Variants in CEP57L1 observed in about 807,000 individuals in gnomAD.
CEP57L1 encodes the protein centrosomal protein CEP57L1.
In CEP57L1, 37 loss-of-function variants were observed where a neutral mutation model predicts 61.0. The ratio of observed to expected loss-of-function variants is 0.61; its 90% confidence interval spans 0.47 to 0.80. The LOEUF (loss-of-function observed/expected upper bound fraction) is 0.80, where lower values mean the gene tolerates loss of function less well. Among genes scored for constraint, CEP57L1 ranks in the 30% least tolerant of loss-of-function variants. The pLI, the probability that CEP57L1 is intolerant of heterozygous loss-of-function variation, is 0.00. For missense variants in CEP57L1, 422 were observed against 524.7 expected (o/e 0.80, Z 1.91); for synonymous variants, 137 against 162.3 (o/e 0.84, Z 1.19).
intron 1 of CEP57L1, among the ~76,000 whole-genome samples, chr6:109,141,430 G>A (rs1394388132): frequency 6.6e-6 from 1 of 151,758 alleles, no homozygotes; most frequent in African/African-American, 2.4e-5. Context: ...GGCCAGGTTG[G>A]TCTCGAACTC....
rs536832759 is a variant in CEP57L1 at position 109,101,525 on chromosome 6, A to T, written c.-4+5950A>T. On this transcript the variant is annotated intron_variant, in intron 1 of 10. Coordinates refer to ENST00000517392, the MANE Select transcript of CEP57L1 (RefSeq NM_001271852.3). ...TTATGTGCAGGCTTTTTCTGGGCAA[A>T]AAATTTTTAACTCATCTAGGAATAT... 8.3e-3 allele frequency among the ~76,000 whole-genome samples: 1,266 copies of T among 152,314 alleles called. 24 individuals carry two copies. Among genetic ancestry groups the T allele is most frequent in the African/African-American group, 0.029 (1,215 of 41,570 alleles).
At chr6:109,105,163 TG>T (rs1332260257) in intron 1 of CEP57L1, among the ~76,000 whole-genome samples, 61 of 152,238 alleles carry the variant, frequency 4.0e-4, no homozygotes, top group African/African-American at 1.3e-3. Flanking sequence ...TCATCAATGA[TG>T]TTTTTTGTTA....
chr6:109,160,584 A>T lies in CEP57L1; in HGVS notation c.1029A>T (p.Glu343Asp), dbSNP rs770187563. The T allele has an allele frequency of 1.9e-6, 3 of 1,606,290 alleles. No individual in the cohort carries two copies. Among genetic ancestry groups the T allele is most frequent in the Non-Finnish European group, 2.5e-6 (3 of 1,176,808 alleles). Residue 343 changes from glutamate to aspartate, a missense_variant, in exon 10 of 11, where the codon GAA becomes GAT. Transcript: ENST00000517392. ...TATTCTTTCATAGGGAGCACCAAGAACTACTGAAACAAATGAAGGAAACTG... is the reference window on the plus strand; with the variant it reads ...TATTCTTTCATAGGGAGCACCAAGATCTACTGAAACAAATGAAGGAAACTG... ...ELDQMSMEHQ[E>D]LLKQMKETES...
At chr6:109,108,246 T>C (rs1771165304) in intron 1 of CEP57L1, among the ~76,000 whole-genome samples, 2 of 151,588 alleles carry the variant, frequency 1.3e-5, no homozygotes, top group Non-Finnish European at 1.5e-5. Context: ...TTTCTCTTTT[T>C]TTTTTTTTTT....
chr6:109,104,294 C>G (rs1260622574), intron 1 of CEP57L1, among the ~76,000 whole-genome samples: 1 of 151,294 alleles, frequency 6.6e-6, no homozygotes, highest in Non-Finnish European at 1.5e-5. Flanking sequence ...TATCCAGTCC[C>G]TATTAATGTA....
intron 4 of CEP57L1, among the ~76,000 whole-genome samples, chr6:109,153,298 G>A (rs1177819933): frequency 7.2e-6 from 1 of 139,716 alleles, no homozygotes; most frequent in African/African-American, 2.6e-5. Flanking sequence ...CTGGAGTGCG[G>A]TAGCACAGTC....
chr6:109,119,075 A>G (rs1472145064), intron 1 of CEP57L1, among the ~76,000 whole-genome samples: 2 of 152,196 alleles, frequency 1.3e-5, no homozygotes, highest in African/African-American at 4.8e-5. Flanking sequence ...TGTGTCTTAC[A>G]TAATGGGCAA....
intron 1 of CEP57L1, among the ~76,000 whole-genome samples, chr6:109,103,458 AATG>A (rs1467197483): frequency 6.6e-6 from 1 of 152,194 alleles, no homozygotes; most frequent in Non-Finnish European, 1.5e-5. Context: ...GATTGATTTG[AATG>A]ATATTCTTTT....
At chr6:109,120,302 T>A (rs1772800644) in intron 1 of CEP57L1, among the ~76,000 whole-genome samples, 1 of 152,180 alleles carries the variant, frequency 6.6e-6, no homozygotes, top group African/African-American at 2.4e-5. Flanking sequence ...CAAAAATTCA[T>A]ATGAAGGTAA....
rs528517601 is a variant in CEP57L1, at chr6:109,150,589, G to A, written c.462+350G>A. On this transcript the variant is annotated intron_variant, in intron 4 of 10. Transcript: ENST00000517392. ...AGGCAGGAGAATCGCTTGAACCCGG[G>A]AGGCAGAGGTTGCAGTGAGCTGAGA... Among the ~76,000 whole-genome samples the A allele has an allele frequency of 1.1e-4, 16 of 151,794 alleles. No homozygotes were observed. The East Asian group carries it at 1.9e-3, about 18-fold the overall frequency.
At chr6:109,156,112 C>T in intron 7 of CEP57L1, 2 of 318,968 alleles carry the variant, frequency 6.3e-6, no homozygotes, top group Non-Finnish European at 1.2e-5. Flanking sequence ...TCTGAGTTTG[C>T]TTGACAACCA....
Position 109,168,818 on chromosome 6 carries a change from A to G in CEP57L1, c.*5848A>G, listed in dbSNP as rs891755916. On this transcript the variant is annotated 3_prime_UTR_variant, in exon 11 of 11. Coordinates refer to ENST00000517392, the MANE Select transcript of CEP57L1 (RefSeq NM_001271852.3). ...ACTGTATTGCCCAGGCTGGTCACGAACTCCTGAGCTCAGGCAATCTGCCCG... is the reference window on the plus strand; with the variant it reads ...ACTGTATTGCCCAGGCTGGTCACGAGCTCCTGAGCTCAGGCAATCTGCCCG... Among the ~76,000 whole-genome samples, 1 of 149,864 alleles carries G rather than the reference A, an allele frequency of 6.7e-6. No homozygotes were observed. The highest frequency in any genetic ancestry group is 2.4e-5 in the African/African-American group (1 of 41,050).
At chr6:109,155,107 T>A (rs1393286950) in intron 5 of CEP57L1, 123 bp from the exon 6 acceptor site, 12 of 463,608 alleles carry the variant, frequency 2.6e-5, no homozygotes, top group Non-Finnish European at 4.3e-5. Flanking sequence ...CTTTTTCTTA[T>A]TTTCTGCCTT....
chr6:109,130,648 C>G (rs1427616042), intron 1 of CEP57L1: 4 of 149,304 alleles, frequency 2.7e-5, no homozygotes, highest in Non-Finnish European at 4.4e-5. Flanking sequence ...AAACAACCCC[C>G]TCTCTGCTGG....
chr6:109,116,351 A>G (rs1356262869), intron 1 of CEP57L1, among the ~76,000 whole-genome samples: 1 of 151,940 alleles, frequency 6.6e-6, no homozygotes, highest in African/African-American at 2.4e-5. Context: ...CTAATTTTGT[A>G]TTTTTAGTAG....
chr6:109,154,390 A>G (rs1772999928), intron 5 of CEP57L1, among the ~76,000 whole-genome samples: 1 of 152,126 alleles, frequency 6.6e-6, no homozygotes, highest in East Asian at 1.9e-4. Flanking sequence ...TTGAAATAGT[A>G]CTGTCCTCCT....
intron 5 of CEP57L1, among the ~76,000 whole-genome samples, chr6:109,154,961 G>A (rs1773066577): frequency 6.6e-6 from 1 of 151,924 alleles, no homozygotes; most frequent in South Asian, 2.1e-4. Flanking sequence ...TGATTTTGTT[G>A]CTGGAAGTTA....
Position 109,120,912 on chromosome 6 carries a change from G to GCA in CEP57L1, c.-3-24262_-3-24261dup, listed in dbSNP as rs71747421. On this transcript the variant is annotated intron_variant, in intron 1 of 10. Transcript: ENST00000517392. ...AGAAAATTCCTATACTTAGACACAC[G>GCA]CACACACACACACACACACACACAC... is the stretch of plus-strand genomic sequence containing the variant. Among the ~76,000 whole-genome samples the GCA allele has an allele frequency of 7.1e-3, 952 of 133,524 alleles. 5 individuals are homozygous for GCA. The highest frequency in any genetic ancestry group is 0.015 in the Middle Eastern group (4 of 260). The allele number at this position is 133,524 out of a possible 152,430, so 87.6% of individuals were successfully genotyped here. A position where few individuals can be genotyped will look rare whatever the true frequency, so the allele number is the denominator to read the frequency against.
chr6:109,123,124 C>A (rs1773165504), intron 1 of CEP57L1, among the ~76,000 whole-genome samples: 1 of 152,126 alleles, frequency 6.6e-6, no homozygotes, highest in East Asian at 1.9e-4. Flanking sequence ...AAGGACCACA[C>A]TTAGACTGCA....
Sources: allele counts gnomAD v4.1 joint callset (sites outside exome capture counted in the v4.1 genomes callset), GRCh38; gene constraint gnomAD v4.1.1; transcripts MANE v1.5; gene names NCBI Gene and HGNC (gene_info 2026-07-23, HGNC 2026-07-21).